UBE2E2: variants seen among roughly 807,000 people sequenced by gnomAD.
The protein encoded by UBE2E2 is ubiquitin-conjugating enzyme E2 E2.
Under a neutral mutation model 24.7 loss-of-function variants are expected in UBE2E2, and 6 were observed. The ratio of observed to expected loss-of-function variants is 0.24; its 90% CI spans 0.13 to 0.48. The LOEUF (loss-of-function observed/expected upper bound fraction) is 0.48. Ranked by LOEUF, UBE2E2 falls within the 20% of genes least tolerant of loss-of-function variation. The pLI, the probability that UBE2E2 is intolerant of heterozygous loss-of-function variation, is 0.99. For missense variants in UBE2E2, 169 were observed against 245.0 expected, an observed-to-expected ratio of 0.69 and a Z score of 2.07; for synonymous variants, 104 against 83.6, an observed-to-expected ratio of 1.24 and a Z score of -1.33.
intron 3 of UBE2E2, among the ~76,000 whole-genome samples, chr3:23,278,185 C>G (rs537470663): frequency 9.9e-5 from 15 of 152,158 alleles, no homozygotes; most frequent in Admixed American, 2.0e-4. Context: ...TCAAAGTATA[C>G]TTAGATCCCT....
intron 4 of UBE2E2, among the ~76,000 whole-genome samples, chr3:23,512,702 T>C (rs1029405454): frequency 1.3e-5 from 2 of 152,120 alleles, no homozygotes; most frequent in Non-Finnish European, 1.5e-5. Flanking sequence ...CCCAGCACTT[T>C]AGGAGGCCAA....
chr3:23,394,782 C>T (rs960122458), intron 3 of UBE2E2, among the ~76,000 whole-genome samples: 21 of 152,118 alleles, frequency 1.4e-4, no homozygotes, highest in African/African-American at 4.1e-4. Context: ...ATTTCGATCC[C>T]CAAAAGGTAG....
chr3:23,308,875 G>A (rs1317431705), intron 3 of UBE2E2, among the ~76,000 whole-genome samples: 1 of 152,154 alleles, frequency 6.6e-6, no homozygotes, highest in East Asian at 1.9e-4. Flanking sequence ...TCAGTCTAAG[G>A]CTAAAGACCT....
chr3:23,430,273 G>A (rs187958427), intron 3 of UBE2E2, among the ~76,000 whole-genome samples: 43 of 152,248 alleles, frequency 2.8e-4, no homozygotes, highest in Admixed American at 2.4e-3. Context: ...TGTGAAGAAA[G>A]TCTCATTTCT....
intron 3 of UBE2E2, among the ~76,000 whole-genome samples, chr3:23,458,672 C>T (rs1462164659): frequency 2.0e-5 from 3 of 152,098 alleles, no homozygotes; most frequent in African/African-American, 7.2e-5. Context: ...CCACCTCGGC[C>T]TCCCAAAGTG....
chr3:23,249,007 A>C (rs1396729171), intron 3 of UBE2E2, among the ~76,000 whole-genome samples: 1 of 152,216 alleles, frequency 6.6e-6, no homozygotes, highest in Non-Finnish European at 1.5e-5. Flanking sequence ...GCAGTGGCTC[A>C]TGCCTGTAAT....
chr3:23,403,592 G>A (rs568044476), intron 3 of UBE2E2, among the ~76,000 whole-genome samples: 91 of 152,254 alleles, frequency 6.0e-4, no homozygotes, highest in Middle Eastern at 3.4e-3. Flanking sequence ...AGGCCAAGGC[G>A]AGTGGATCAC....
At chr3:23,317,659 A>T (rs1312568322) in intron 3 of UBE2E2, among the ~76,000 whole-genome samples, 2 of 151,050 alleles carry the variant, frequency 1.3e-5, no homozygotes, top group East Asian at 3.9e-4. Flanking sequence ...GTGCAGGGAA[A>T]CTCCTCATTG....
At chr3:23,331,236 T>C (rs1695050693) in intron 3 of UBE2E2, among the ~76,000 whole-genome samples, 1 of 152,166 alleles carries the variant, frequency 6.6e-6, no homozygotes, top group South Asian at 2.1e-4. Context: ...TAGAAACAGC[T>C]TGATTCAATA....
chr3:23,447,626 C>T (rs1170937718), intron 3 of UBE2E2, among the ~76,000 whole-genome samples: 2 of 152,156 alleles, frequency 1.3e-5, no homozygotes, highest in Admixed American at 6.5e-5. Context: ...GAATTAAACT[C>T]CAAGTGTGAA....
chr3:23,537,920 C>T (rs1695303539), intron 5 of UBE2E2, among the ~76,000 whole-genome samples: 1 of 151,820 alleles, frequency 6.6e-6, no homozygotes, highest in Admixed American at 6.6e-5. Flanking sequence ...AGTTTGGGAG[C>T]CGCTAGACTG....
At position 23,208,769 on chromosome 3, in the gene UBE2E2, C is replaced by T. The variant is rs1696226857; in HGVS notation, c.70C>T (p.Arg24Cys). The change falls in exon 2 of 6, where the codon CGT (arginine) becomes TGT (cysteine). Residue 24 changes from arginine to cysteine, a missense_variant. Coordinates refer to ENST00000396703, the MANE Select transcript of UBE2E2 (RefSeq NM_152653.4). The stretch of plus-strand genomic sequence containing the variant: ...TGGAGGAAGTTCCGATGGAGATCAA[C>T]GTGAAAGTGTTCAGCAAGAACCAGA... ...TSGGSSDGDQ[R>C]ESVQQEPERE... is the part of the protein sequence containing the mutation. 7 of 1,613,562 alleles carry T rather than the reference C, an allele frequency of 4.3e-6. No individual in the cohort carries two copies. Among genetic ancestry groups the T allele is most frequent in the South Asian group, 1.1e-5 (1 of 91,028 alleles).
At chr3:23,489,205 C>T (rs147488706) in intron 3 of UBE2E2, among the ~76,000 whole-genome samples, 13 of 152,132 alleles carry the variant, frequency 8.5e-5, no homozygotes, top group East Asian at 1.9e-4. Context: ...GATTCAAGCA[C>T]GTTACATTTA....
chr3:23,488,931 G>A (rs1699438232), intron 3 of UBE2E2, among the ~76,000 whole-genome samples: 1 of 152,168 alleles, frequency 6.6e-6, no homozygotes, highest in Admixed American at 6.5e-5. Flanking sequence ...TTTGAAACAT[G>A]CCCAGGATGA....
intron 5 of UBE2E2, among the ~76,000 whole-genome samples, chr3:23,579,000 A>G (rs925982600): frequency 6.6e-6 from 1 of 152,172 alleles, no homozygotes; most frequent in African/African-American, 2.4e-5. Context: ...TCTGATAGAG[A>G]TGTATGAAGA....
intron 3 of UBE2E2, among the ~76,000 whole-genome samples, chr3:23,258,900 GA>G (rs11333992): frequency 0.21 from 16,477 of 78,696 alleles, 375 homozygotes; most frequent in Middle Eastern, 0.25. Flanking sequence ...CTCAAAAAAA[GA>G]AAAAAAAAAA....
intron 3 of UBE2E2, among the ~76,000 whole-genome samples, chr3:23,415,809 T>TA (rs1697613410): frequency 6.6e-6 from 1 of 152,152 alleles, no homozygotes; most frequent in Non-Finnish European, 1.5e-5. Flanking sequence ...GTTTGTTACA[T>TA]AGGTGTACAC....
At chr3:23,582,795 G>T (rs576907776) in intron 5 of UBE2E2, among the ~76,000 whole-genome samples, 59 of 151,278 alleles carry the variant, frequency 3.9e-4, no homozygotes, top group African/African-American at 1.4e-3. Context: ...GATATTAGAC[G>T]TTTGTTAGAT....
rs1034690288 is a variant in UBE2E2 at position 23,477,579 on chromosome 3, G to A, written c.228-22029G>A. Among the ~76,000 whole-genome samples, 7 of 152,156 alleles carry A rather than the reference G, an allele frequency of 4.6e-5. 1 individual carries two copies. The highest frequency in any genetic ancestry group is 1.0e-4 in the Non-Finnish European group (7 of 68,026). ...ACATAGAACAGTGCCAACATATAGA[G>A]GGATCTTAGGATATATTTGTTGAAT... On this transcript the variant is annotated intron_variant, in intron 3 of 5. Coordinates refer to ENST00000396703, the MANE Select transcript of UBE2E2 (RefSeq NM_152653.4).
Sources: gnomAD v4.1 joint callset for allele counts (sites outside exome capture counted in the v4.1 genomes callset) on GRCh38, gnomAD v4.1.1 for gene constraint, MANE v1.5 for transcripts, NCBI Gene and HGNC (gene_info 2026-07-23, HGNC 2026-07-21) for gene names.